Variants in SPECC1 observed in about 807,000 individuals in gnomAD.
The protein encoded by SPECC1 is sperm antigen with calponin homology and coiled-coil domains 1.
In SPECC1, 62 loss-of-function variants were observed where a neutral mutation model predicts 104.1. That is an observed-to-expected ratio of 0.60 (90% CI 0.49 to 0.74). The LOEUF is 0.74. Among genes scored for constraint, SPECC1 ranks in the 30% least tolerant of loss-of-function variants. SPECC1 has a pLI of 0.00. For synonymous variants in SPECC1, 513 were observed against 501.6 expected (o/e 1.02, Z -0.30); for missense variants, 1,306 against 1,310.5 (o/e 1.00, Z 0.05).
At chr17:20,260,362 C>A in intron 12 of SPECC1, 68 bp downstream of exon 12, 3 of 1,347,506 alleles carry the variant, frequency 2.2e-6, no homozygotes, top group East Asian at 2.4e-5. Context: ...AATACATGTT[C>A]CTTGTGTGCC....
intron 1 of SPECC1, among the ~76,000 whole-genome samples, chr17:20,091,153 T>A (rs759499645): frequency 1.1e-4 from 17 of 152,206 alleles, no homozygotes; most frequent in Non-Finnish European, 2.5e-4. Flanking sequence ...TTTCTTCTGA[T>A]GCTGTATGGA....
intron 13 of SPECC1, among the ~76,000 whole-genome samples, chr17:20,298,516 A>G (rs1327055763): frequency 1.3e-5 from 2 of 152,158 alleles, no homozygotes; most frequent in African/African-American, 4.8e-5. Context: ...TGGAGGGGGC[A>G]GACCCCCATA....
chr17:20,155,922 G>A, intron 3 of SPECC1: 1 of 1,208,444 alleles, frequency 8.3e-7, no homozygotes, highest in South Asian at 3.6e-5. Context: ...CGCGCCTGGC[G>A]GGCGGTGTGC....
At chr17:20,260,896 G>A (rs1050800683) in intron 12 of SPECC1, among the ~76,000 whole-genome samples, 1 of 152,140 alleles carries the variant, frequency 6.6e-6, no homozygotes, top group Non-Finnish European at 1.5e-5. Context: ...GCCACCTAGT[G>A]TTCTGGTTGG....
chr17:20,047,263 CTT>C (rs1415052799), intron 1 of SPECC1, among the ~76,000 whole-genome samples: 2 of 151,996 alleles, frequency 1.3e-5, no homozygotes, highest in Non-Finnish European at 2.9e-5. Flanking sequence ...TGTTGGGTCA[CTT>C]TCTCTCCCTT....
chr17:20,292,547 C>G (rs1484400537), intron 12 of SPECC1, among the ~76,000 whole-genome samples: 1 of 152,172 alleles, frequency 6.6e-6, no homozygotes, highest in Non-Finnish European at 1.5e-5. Context: ...CCAGGCTGGT[C>G]TCGAACTCCT....
intron 7 of SPECC1, among the ~76,000 whole-genome samples, chr17:20,233,222 A>G (rs73303534): frequency 0.061 from 9,305 of 152,288 alleles, 911 homozygotes; most frequent in African/African-American, 0.21. Flanking sequence ...CTCAAATATC[A>G]AACATAGTCT....
At chr17:20,020,976 C>T (rs916705218) in intron 1 of SPECC1, among the ~76,000 whole-genome samples, 1 of 152,062 alleles carries the variant, frequency 6.6e-6, no homozygotes, top group African/African-American at 2.4e-5. Context: ...GAAGCCTTAC[C>T]CATAATATAA....
intron 12 of SPECC1, among the ~76,000 whole-genome samples, chr17:20,279,771 G>T (rs1189407311): frequency 1.3e-5 from 2 of 152,202 alleles, no homozygotes; most frequent in South Asian, 2.1e-4. Flanking sequence ...CATGGTGACA[G>T]GTGGTCTCCC....
At chr17:20,041,619 G>GTT (rs2045330671) in intron 1 of SPECC1, among the ~76,000 whole-genome samples, 1 of 112,766 alleles carries the variant, frequency 8.9e-6, no homozygotes, top group African/African-American at 3.3e-5. Flanking sequence ...GTTTGTTGAG[G>GTT]CTTTTTTTTT....
intron 3 of SPECC1, chr17:20,112,322 T>C: frequency 1.3e-6 from 1 of 757,726 alleles, no homozygotes; most frequent in South Asian, 1.4e-5. Flanking sequence ...ATTTATTGGA[T>C]ATGTTAGAAG....
At chr17:20,266,331 C>G (rs747165470) in intron 12 of SPECC1, among the ~76,000 whole-genome samples, 9 of 152,222 alleles carry the variant, frequency 5.9e-5, no homozygotes, top group Non-Finnish European at 1.2e-4. Context: ...CGCCTGTAAT[C>G]CCAGCACTTT....
At position 20,029,867 on chromosome 17, in the gene SPECC1, A is replaced by G. The variant is rs550472766; in HGVS notation, c.-22+20443A>G. Among the ~76,000 whole-genome samples, 4 of 151,566 alleles carry G rather than the reference A, an allele frequency of 2.6e-5. No individual in the cohort carries two copies. The East Asian group carries it at 7.8e-4, about 29-fold the overall frequency. ...AAAGAACTAGCTTTTGGTTTTATTT[A>G]TTTTTTTCCATTTTTCTCCTTTTGA... On this transcript the variant is annotated intron_variant, in intron 1 of 14. Transcript: ENST00000395527.
chr17:20,229,568 GGA>G (rs1242424076), intron 5 of SPECC1, among the ~76,000 whole-genome samples: 6 of 152,198 alleles, frequency 3.9e-5, no homozygotes, highest in African/African-American at 9.7e-5. Context: ...CAGCTTCTCT[GGA>G]GGCTGAGGTG....
intron 3 of SPECC1, among the ~76,000 whole-genome samples, chr17:20,142,296 ATCCAGTATT>A (rs1232701327): frequency 6.6e-6 from 1 of 152,256 alleles, no homozygotes; most frequent in Non-Finnish European, 1.5e-5. Flanking sequence ...GTATAATATG[ATCCAGTATT>A]TCCACTTCTG....
rs112914582 is a variant in SPECC1 at position 20,086,386 on chromosome 17, C to A, written c.-21-10245C>A. Among the ~76,000 whole-genome samples, 42 of 152,338 alleles carry A rather than the reference C, an allele frequency of 2.8e-4. 1 individual carries two copies. Among genetic ancestry groups the A allele is most frequent in the African/African-American group, 9.9e-4 (41 of 41,588 alleles). On this transcript the variant is annotated intron_variant, in intron 1 of 14. Coordinates refer to ENST00000395527, the MANE Select transcript of SPECC1 (RefSeq NM_001243439.2). ...AGACAGACAGACTGCCAGGGACCCT[C>A]CTCAGCCAGCCTCTTCACATGCCGA...
At chr17:20,096,299 A>G (rs1465148580) in intron 1 of SPECC1, among the ~76,000 whole-genome samples, 1 of 152,140 alleles carries the variant, frequency 6.6e-6, no homozygotes. Flanking sequence ...ACTCTGGCTG[A>G]CCTGTTTTAT....
At position 20,238,680 on chromosome 17, in the gene SPECC1, G is replaced by A. The variant is rs181402200; in HGVS notation, c.2351+6275G>A. 512 of 1,039,458 alleles carry A rather than the reference G, an allele frequency of 4.9e-4. 2 individuals are homozygous for A. The African/African-American group carries it at 8.1e-3, about 17-fold the overall frequency. The allele number at this position is 1,039,458 out of a possible 1,614,324, so 64.4% of individuals were successfully genotyped here. ...TGAATAGGACTGAAATTTATATTTTGGGCACTCTTTACCTCAGATTCAGAG... is the reference window on the plus strand; with the variant it reads ...TGAATAGGACTGAAATTTATATTTTAGGCACTCTTTACCTCAGATTCAGAG... On this transcript the variant is annotated intron_variant, in intron 7 of 14. Transcript: ENST00000395527.
intron 13 of SPECC1, among the ~76,000 whole-genome samples, chr17:20,300,432 TAGTC>T (rs762458248): frequency 1.3e-5 from 2 of 152,198 alleles, no homozygotes; most frequent in African/African-American, 2.4e-5. Flanking sequence ...GCACTGAAAA[TAGTC>T]AGAAGGCCTT....
Sources: gnomAD v4.1 joint callset for allele counts (sites outside exome capture counted in the v4.1 genomes callset) on GRCh38, gnomAD v4.1.1 for gene constraint, MANE v1.5 for transcripts, NCBI Gene and HGNC (gene_info 2026-07-23, HGNC 2026-07-21) for gene names.